The following NRBP1 variants were observed in gnomAD, a reference collection of about 807,000 sequenced individuals.
The protein encoded by NRBP1 is nuclear receptor binding protein 1, also known as nuclear receptor-binding protein.
In NRBP1, 10 loss-of-function variants were observed where a neutral mutation model predicts 76.0. The ratio of observed to expected loss-of-function variants is 0.13; its 90% CI spans 0.08 to 0.22. The LOEUF is 0.22. NRBP1 is among the 10% of genes least tolerant of loss of function. The pLI, the probability that NRBP1 is intolerant of heterozygous loss-of-function variation, is 1.00. For synonymous variants in NRBP1, 235 were observed against 240.2 expected (o/e 0.98, Z 0.20); for missense variants, 344 against 646.0 (o/e 0.53, Z 5.07).
At chr2:27,441,416 G>C (rs1336528966) in intron 16 of NRBP1, 86 bp downstream of exon 16, 20 of 1,440,474 alleles carry the variant, frequency 1.4e-5, no homozygotes, top group Non-Finnish European at 1.9e-5. Context: ...AGGTGACAAG[G>C]CAGTAACACA....
At chr2:27,435,028 T>G in intron 6 of NRBP1, 105 bp from the exon 7 acceptor site, 1 of 709,300 alleles carries the variant, frequency 1.4e-6, no homozygotes, top group South Asian at 1.7e-5. Flanking sequence ...GGGGATTATC[T>G]TTATGGTGAC....
At chr2:27,436,001 A>C (rs1345442565) in intron 7 of NRBP1, 1 of 585,396 alleles carries the variant, frequency 1.7e-6, no homozygotes, top group Admixed American at 3.0e-5. Context: ...GCTAGTTCCC[A>C]GATCATACTG....
intron 11 of NRBP1, 94 bp downstream of exon 11, chr2:27,439,992 ATTCTTTTTTTTTTTTTTTTT>A: frequency 7.7e-5 from 18 of 234,390 alleles, no homozygotes; most frequent in South Asian, 1.6e-4. Context: ...TTCCAAAGGG[ATTCTTTTTTTTTTTTTTTTT>A]TTTTTTTTTT....
Position 27,434,334 on chromosome 2 carries a change from GC to G in NRBP1, c.436-134del, listed in dbSNP as rs796832441. The G allele has an allele frequency of 2.2e-5, 17 of 757,304 alleles. No individual in the cohort carries two copies. The African/African-American group carries it at 2.6e-4, about 12-fold the overall frequency. 46.9% of individuals were successfully genotyped at this position (757,304 alleles called of 1,614,324 possible). Reference sequence around the variant, plus strand: ...ATAACTTTCATTGCTTGTTTTCATTGCCCTATTTAGTCTAAGTAAGTAAAGC... The same window carrying G: ...ATAACTTTCATTGCTTGTTTTCATTGCCTATTTAGTCTAAGTAAGTAAAGC... On this transcript the variant is annotated intron_variant, in intron 4 of 17. Coordinates refer to ENST00000379852, the MANE Select transcript of NRBP1 (RefSeq NM_013392.4).
At position 27,429,833 on chromosome 2, in the gene NRBP1, G is replaced by A. The variant is rs192462587; in HGVS notation, c.-21+1102G>A. ...AGTTATTTGTGTCCTCGGTCCAGAA[G>A]TTTCTCTGGAGCCCATTGGCTACAG... On this transcript the variant is annotated intron_variant, in intron 1 of 17. Transcript: ENST00000379852. 1.5e-3 allele frequency among the ~76,000 whole-genome samples: 233 copies of A among 152,286 alleles called. 1 individual carries two copies. Among genetic ancestry groups the A allele is most frequent in the Non-Finnish European group, 2.8e-3 (188 of 68,016 alleles).
chr2:27,441,827 A>G lies in NRBP1; in HGVS notation c.*15A>G, dbSNP rs976056468. The G allele has an allele frequency of 4.5e-6, 7 of 1,553,448 alleles. No individual in the cohort carries two copies. Among genetic ancestry groups the G allele is most frequent in the Non-Finnish European group, 6.2e-6 (7 of 1,127,432 alleles). ...TCTCCTCTTAGAGCTCACTCGGGCC[A>G]GGCCCTGATCTGCGCTGTGGCTGTC... On this transcript the variant is annotated 3_prime_UTR_variant, in exon 18 of 18. Transcript: ENST00000379852.
rs2303371 is a variant in NRBP1, at chr2:27,428,734, G to T, written c.-21+3G>T. On this transcript the variant is annotated splice_donor_region_variant and intron_variant, in intron 1 of 17. Coordinates refer to ENST00000379852, the MANE Select transcript of NRBP1 (RefSeq NM_013392.4). ...GCTGCGGGGCGCGGAGTCGGGAGGT[G>T]AGCGCCCAGGGAAAAGAGGGCCCGG... 643 of 397,590 alleles carry T rather than the reference G, an allele frequency of 1.6e-3. 9 individuals carry two copies. In the East Asian group the frequency reaches 0.023, roughly 14 times the overall value. The allele number at this position is 397,590 out of a possible 1,614,324, so 24.6% of individuals were successfully genotyped here.
rs1401324462 is a variant in NRBP1, at chr2:27,437,174, C to T, written c.804+69C>T. On this transcript the variant is annotated intron_variant, in intron 9 of 17. Transcript: ENST00000379852. ...GATGGAATTGGGAATGGAGGGAAGA[C>T]AAGTAAGGCGCTGGCTTGGAGGGAG... is the stretch of plus-strand genomic sequence containing the variant. The T allele has an allele frequency of 6.3e-6, 10 of 1,579,874 alleles. No homozygotes were observed. In the East Asian group the frequency reaches 2.2e-4, roughly 35 times the overall value.
chr2:27,435,084 C>A, intron 6 of NRBP1, 49 bp from the exon 7 acceptor site: 1 of 1,193,026 alleles, frequency 8.4e-7, no homozygotes, highest in Non-Finnish European at 1.2e-6. Context: ...TGGGTTCCCC[C>A]TGCCCTTAAT....
At position 27,436,816 on chromosome 2, in the gene NRBP1, T is replaced by A; in HGVS notation, c.725T>A (p.Phe242Tyr). 1 of 1,614,118 alleles carries A rather than the reference T, an allele frequency of 6.2e-7. No homozygotes were observed. The highest frequency in any genetic ancestry group is 8.5e-7 in the Non-Finnish European group (1 of 1,179,986). The change falls in exon 8 of 18, where the codon TTC becomes TAC. Residue 242 changes from phenylalanine to tyrosine, a missense_variant. Phe to Tyr is a conservative substitution (Grantham distance 22). Transcript: ENST00000379852. ...TCREEQKNLHFFAPEYGEVTN... is the reference protein window; with the variant it reads ...TCREEQKNLHYFAPEYGEVTN... The stretch of plus-strand genomic sequence containing the variant: ...CGAGAAGAGCAGAAGAATCTACACT[T>A]CTTTGCACCAGAGTATGGAGGTGAG...
intron 10 of NRBP1, among the ~76,000 whole-genome samples, chr2:27,438,345 G>A (rs939898350): frequency 6.6e-6 from 1 of 152,158 alleles, no homozygotes; most frequent in South Asian, 2.1e-4. Context: ...TATTTATACA[G>A]TTTTAGTTAG....
chr2:27,434,167 CAG>C lies in NRBP1; in HGVS notation c.435+81_435+82del, dbSNP rs543087324. On this transcript the variant is annotated intron_variant, in intron 4 of 17. Coordinates refer to ENST00000379852, the MANE Select transcript of NRBP1 (RefSeq NM_013392.4). The stretch of plus-strand genomic sequence containing the variant: ...CATTTATTATTGTTCCTTTTACACT[CAG>C]AGATTAAAACAAGGTAGTTTTGAAA... 88 of 1,183,718 alleles carry C rather than the reference CAG, an allele frequency of 7.4e-5. No individual in the cohort carries two copies. The South Asian group carries it at 7.8e-4, about 10-fold the overall frequency. 73.3% of individuals were successfully genotyped at this position (1,183,718 alleles called of 1,614,324 possible).
chr2:27,439,647 A>T, intron 10 of NRBP1, 119 bp from the exon 11 acceptor site: 1 of 1,105,540 alleles, frequency 9.0e-7, no homozygotes, highest in Non-Finnish European at 1.3e-6. Context: ...TTGTTTTCTC[A>T]GCAAGTGCTG....
At position 27,441,879 on chromosome 2, in the gene NRBP1, C is replaced by G. The variant is rs1176623141; in HGVS notation, c.*67C>G. 1 of 933,630 alleles carries G rather than the reference C, an allele frequency of 1.1e-6. No homozygotes were observed. Among genetic ancestry groups the G allele is most frequent in the Non-Finnish European group, 1.7e-6 (1 of 585,902 alleles). 57.8% of individuals were successfully genotyped at this position (933,630 alleles called of 1,614,324 possible). ...CTGGACGTGCTGCAGCCCTCCTGTCCCTTCCCCCCAGTCAGTATTACCCTG... is the reference window on the plus strand; with the variant it reads ...CTGGACGTGCTGCAGCCCTCCTGTCGCTTCCCCCCAGTCAGTATTACCCTG... On this transcript the variant is annotated 3_prime_UTR_variant, in exon 18 of 18. Transcript: ENST00000379852.
Position 27,441,155 on chromosome 2 carries a change from C to T in NRBP1, c.1358C>T (p.Ser453Leu), listed in dbSNP as rs574325125. The change falls in exon 15 of 18, where the codon TCG (serine) becomes TTG (leucine). Residue 453 changes from serine (S) to leucine (L), a missense_variant. Physicochemically the swap from Ser to Leu is moderately radical, Grantham distance 145. This residue lies in a region of NRBP1 where 218 missense variants were observed against 309.8 expected (regional missense o/e 0.70). Transcript: ENST00000379852. ...GTGCTGATGCAGTGCAACATTGAGTCGGTGGAGGAGGGAGTCAAACACCAC... is the reference window on the plus strand; with the variant it reads ...GTGCTGATGCAGTGCAACATTGAGTTGGTGGAGGAGGGAGTCAAACACCAC... ...KVVLMQCNIE[S>L]VEEGVKHHLT... 1.2e-5 allele frequency: 19 copies of T among 1,613,890 alleles called. No homozygotes were observed. Among genetic ancestry groups the T allele is most frequent in the African/African-American group, 1.1e-4 (8 of 74,992 alleles).
At chr2:27,433,065 G>T (rs1344507471) in intron 1 of NRBP1, among the ~76,000 whole-genome samples, 189 bp from the exon 2 acceptor site, 2 of 152,120 alleles carry the variant, frequency 1.3e-5, no homozygotes, top group African/African-American at 2.4e-5. Context: ...TTTTAGTAGA[G>T]ATGGGGTTTC....
At chr2:27,440,629 C>T (rs1412953672) in intron 12 of NRBP1, 23 bp from the exon 13 acceptor site, 1 of 1,613,932 alleles carries the variant, frequency 6.2e-7, no homozygotes, top group East Asian at 2.2e-5. Flanking sequence ...TTCCTTCCAT[C>T]TCCTTTCTCT....
rs1664341398 is a variant in NRBP1, at chr2:27,437,210, AG to A, written c.805-51del. 5.7e-6 allele frequency: 9 copies of A among 1,571,816 alleles called. No individual in the cohort carries two copies. The South Asian group carries it at 1.0e-4, about 17-fold the overall frequency. On this transcript the variant is annotated intron_variant, in intron 9 of 17. Transcript: ENST00000379852. ...CTGGCTTGGAGGGAGTGATTGTGGG[AG>A]CACTGAAGTTCTTAGGTGTCTACTT...
intron 7 of NRBP1, 112 bp downstream of exon 7, chr2:27,435,339 G>A (rs1299318973): frequency 1.2e-6 from 1 of 837,658 alleles, no homozygotes. Flanking sequence ...GTGGGCTGGT[G>A]AGAAGAGAAA....
Sources: allele counts gnomAD v4.1 joint callset (sites outside exome capture counted in the v4.1 genomes callset), GRCh38; gene constraint gnomAD v4.1.1; regional missense constraint gnomAD v4.1.1; transcripts MANE v1.5; gene names NCBI Gene and HGNC (gene_info 2026-07-23, HGNC 2026-07-21).